MYDGF: variants seen among roughly 807,000 people sequenced by gnomAD.
The protein encoded by MYDGF is myeloid-derived growth factor.
MYDGF carries 29 observed loss-of-function variants against 24.2 expected under a neutral mutation model. The ratio of observed to expected loss-of-function variants is 1.20; its 90% CI spans 0.89 to 1.63. The LOEUF (loss-of-function observed/expected upper bound fraction) is 1.63. Among genes scored for constraint, MYDGF ranks in the 40% most tolerant of loss-of-function variants. The probability of loss-of-function intolerance (pLI) is 0.00; values close to 1 mark genes in which losing one functional copy is unlikely to be tolerated. For missense variants in MYDGF, 245 were observed against 234.8 expected (o/e 1.04, Z -0.29); for synonymous variants, 105 against 102.5 (o/e 1.02, Z -0.15).
At chr19:4,668,716 C>G (rs1160768057) in intron 1 of MYDGF, 71 bp from the exon 2 acceptor site, 1 of 1,373,216 alleles carries the variant, frequency 7.3e-7, no homozygotes, top group Non-Finnish European at 1.0e-6. Flanking sequence ...CGGGGTCTTG[C>G]TGTCACCCAA....
At chr19:4,669,189 A>G (rs1043734507) in intron 1 of MYDGF, among the ~76,000 whole-genome samples, 1 of 152,172 alleles carries the variant, frequency 6.6e-6, no homozygotes, top group African/African-American at 2.4e-5. Context: ...TAGTCAACAA[A>G]CTGGCCTGGC....
intron 3 of MYDGF, among the ~76,000 whole-genome samples, chr19:4,662,368 C>G (rs2088477768): frequency 6.6e-6 from 1 of 152,224 alleles, no homozygotes; most frequent in Non-Finnish European, 1.5e-5. Flanking sequence ...CTGAGACATT[C>G]TGGGCCAAGG....
intron 3 of MYDGF, among the ~76,000 whole-genome samples, chr19:4,664,049 G>A (rs570007033): frequency 2.6e-5 from 4 of 151,926 alleles, no homozygotes; most frequent in South Asian, 2.1e-4. Flanking sequence ...AGGACGTCAC[G>A]TTCAGTGAGA....
chr19:4,668,816 A>T, intron 1 of MYDGF, 171 bp from the exon 2 acceptor site: 1 of 548,572 alleles, frequency 1.8e-6, no homozygotes, highest in Non-Finnish European at 3.3e-6. Flanking sequence ...CAAGTAACTG[A>T]GACAATAGGT....
intron 5 of MYDGF, among the ~76,000 whole-genome samples, chr19:4,658,400 C>G (rs1316642501): frequency 6.6e-6 from 1 of 152,154 alleles, no homozygotes; most frequent in Non-Finnish European, 1.5e-5. Flanking sequence ...CCAGAAGAAG[C>G]CCAGGAAGGA....
intron 5 of MYDGF, 131 bp from the exon 6 acceptor site, chr19:4,658,215 A>G: frequency 1.5e-6 from 1 of 679,932 alleles, no homozygotes; most frequent in South Asian, 1.9e-5. Context: ...CTCCCATGTG[A>G]AAAGGCCCCA....
chr19:4,659,049 G>C (rs1164915559), intron 5 of MYDGF, among the ~76,000 whole-genome samples: 2 of 151,558 alleles, frequency 1.3e-5, no homozygotes, highest in African/African-American at 4.9e-5. Flanking sequence ...AAAGTGCTGG[G>C]ATTACAGGTG....
Position 4,668,649 on chromosome 19 carries a change from G to C in MYDGF, c.175-4C>G, listed in dbSNP as rs1040165060. The C allele has an allele frequency of 6.2e-7, 1 of 1,611,650 alleles. No homozygotes were observed. Among genetic ancestry groups the C allele is most frequent in the Non-Finnish European group, 8.5e-7 (1 of 1,178,518 alleles). On this transcript the variant is annotated splice_polypyrimidine_tract_variant and splice_region_variant and intron_variant, in intron 1 of 5. Coordinates refer to ENST00000262947, the MANE Select transcript of MYDGF (RefSeq NM_019107.4). ...TGAACATACACGTATATTTGTCCTA[G>C]AGAATGGAAGGAAAAAAAAGGTTTG...
intron 1 of MYDGF, 55 bp downstream of exon 1, chr19:4,670,106 G>A: frequency 7.3e-7 from 1 of 1,371,602 alleles, no homozygotes; most frequent in Non-Finnish European, 9.5e-7. Context: ...AATGCTCCGC[G>A]CCCCCTCCCC....
chr19:4,657,949 A>G lies in MYDGF; in HGVS notation c.*56T>C. 2 of 1,482,286 alleles carry G rather than the reference A, an allele frequency of 1.3e-6. No homozygotes were observed. Among genetic ancestry groups the G allele is most frequent in the South Asian group, 1.2e-5 (1 of 83,240 alleles). The allele number at this position is 1,482,286 out of a possible 1,614,324, so 91.8% of individuals were successfully genotyped here. On this transcript the variant is annotated 3_prime_UTR_variant, in exon 6 of 6. Coordinates refer to ENST00000262947, the MANE Select transcript of MYDGF (RefSeq NM_019107.4). ...GATGTGCTGGCCCTTTCAGGGACAC[A>G]GGCCCCTTCAGCTTCACCGGAGATG... is the stretch of plus-strand genomic sequence containing the variant.
chr19:4,660,436 T>C (rs2088460756), intron 4 of MYDGF: 1 of 552,034 alleles, frequency 1.8e-6, no homozygotes, highest in Non-Finnish European at 3.2e-6. Context: ...CCTGGAGAAG[T>C]CTTTTCTGGC....
intron 5 of MYDGF, chr19:4,659,721 C>G (rs369675781): frequency 4.9e-5 from 29 of 593,364 alleles, no homozygotes; most frequent in African/African-American, 3.5e-4. Context: ...TCTGCAGCAG[C>G]TTTGTGCCAC....
intron 3 of MYDGF, among the ~76,000 whole-genome samples, chr19:4,662,190 G>T (rs2088476332): frequency 6.6e-6 from 1 of 152,172 alleles, no homozygotes; most frequent in African/African-American, 2.4e-5. Context: ...ACCCACACGA[G>T]GCAGCAAATC....
intron 1 of MYDGF, 73 bp from the exon 2 acceptor site, chr19:4,668,718 G>T: frequency 7.4e-7 from 1 of 1,360,318 alleles, no homozygotes. Flanking sequence ...GGGTCTTGCT[G>T]TCACCCAAGC....
chr19:4,657,966 C>T lies in MYDGF; in HGVS notation c.*39G>A. On this transcript the variant is annotated 3_prime_UTR_variant, in exon 6 of 6. Transcript: ENST00000262947. Reference sequence around the variant, plus strand: ...AGGGACACAGGCCCCTTCAGCTTCACCGGAGATGAGAAGGTGCCACCCGCA... The same window carrying T: ...AGGGACACAGGCCCCTTCAGCTTCATCGGAGATGAGAAGGTGCCACCCGCA... 1 of 1,569,720 alleles carries T rather than the reference C, an allele frequency of 6.4e-7. No individual in the cohort carries two copies. Among genetic ancestry groups the T allele is most frequent in the Non-Finnish European group, 8.7e-7 (1 of 1,155,666 alleles).
intron 3 of MYDGF, among the ~76,000 whole-genome samples, chr19:4,661,210 C>G (rs2088468668): frequency 6.6e-6 from 1 of 152,168 alleles, no homozygotes; most frequent in Admixed American, 6.5e-5. Context: ...AAGTGATCCA[C>G]TCGCCTCAGC....
At chr19:4,663,017 C>T (rs2088482292) in intron 3 of MYDGF, among the ~76,000 whole-genome samples, 1 of 151,546 alleles carries the variant, frequency 6.6e-6, no homozygotes, top group Non-Finnish European at 1.5e-5. Flanking sequence ...CCAGTCTGTG[C>T]CTTCCCCTCC....
intron 2 of MYDGF, 43 bp from the exon 3 acceptor site, chr19:4,664,980 T>C (rs781069403): frequency 6.3e-7 from 1 of 1,598,984 alleles, no homozygotes; most frequent in South Asian, 1.1e-5. Flanking sequence ...GACACACAGC[T>C]GCTCTCGGAG....
rs59730499 is a variant in MYDGF at position 4,668,849 on chromosome 19, AT to A, written c.175-205del. ...GGTACGCAACCACCACACCCGACTA[AT>A]TTTTTTTTTTTTTTTTGAAGCAGAG... On this transcript the variant is annotated intron_variant, in intron 1 of 5. Transcript: ENST00000262947. Among the ~76,000 whole-genome samples the A allele has an allele frequency of 8.0e-3, 1,115 of 140,206 alleles. 9 individuals are homozygous for A. Among genetic ancestry groups the A allele is most frequent in the East Asian group, 0.05 (239 of 4,812 alleles). The allele number at this position is 140,206 out of a possible 152,430, so 92.0% of individuals were successfully genotyped here.
Sources: gnomAD v4.1 joint callset for allele counts (sites outside exome capture counted in the v4.1 genomes callset) on GRCh38, gnomAD v4.1.1 for gene constraint, MANE v1.5 for transcripts, NCBI Gene and HGNC (gene_info 2026-07-23, HGNC 2026-07-21) for gene names.